FBXL7: variants seen among roughly 807,000 people sequenced by gnomAD.
The protein encoded by FBXL7 is F-box/LRR-repeat protein 7.
Under a neutral mutation model 38.3 loss-of-function variants are expected in FBXL7, and 12 were observed. That is an observed-to-expected ratio of 0.31 (90% confidence interval 0.20 to 0.51). The LOEUF (loss-of-function observed/expected upper bound fraction) is 0.51, where lower values mean the gene tolerates loss of function less well. Ranked by LOEUF, FBXL7 falls within the 20% of genes least tolerant of loss-of-function variation. The pLI, the probability that FBXL7 is intolerant of heterozygous loss-of-function variation, is 0.98. For synonymous variants in FBXL7, 297 were observed against 300.9 expected, an observed-to-expected ratio of 0.99 and a Z score of 0.13; for missense variants, 567 against 676.4, an observed-to-expected ratio of 0.84 and a Z score of 1.79.
At chr5:15,724,860 T>C (rs1400219538) in intron 2 of FBXL7, among the ~76,000 whole-genome samples, 1 of 152,184 alleles carries the variant, frequency 6.6e-6, no homozygotes, top group Non-Finnish European at 1.5e-5. Flanking sequence ...AGTCAAATGA[T>C]AACTATTTTC....
At chr5:15,848,954 CT>C (rs374858419) in intron 2 of FBXL7, among the ~76,000 whole-genome samples, 317 of 152,312 alleles carry the variant, frequency 2.1e-3, no homozygotes, top group African/African-American at 7.1e-3. Flanking sequence ...ATTATTGTCT[CT>C]TTTGGAAAAG....
rs138605570 is a variant in FBXL7 at position 15,525,747 on chromosome 5, TAAG to T, written c.37+25039_37+25041del. ...TTTAAGAGGAGTCCTCAAAATGTGA[TAAG>T]AAGAGACTTTTGAACAATTTGAGCT... On this transcript the variant is annotated intron_variant, in intron 1 of 3. Coordinates refer to ENST00000504595, the MANE Select transcript of FBXL7 (RefSeq NM_012304.5). 1.9e-4 allele frequency among the ~76,000 whole-genome samples: 29 copies of T among 152,316 alleles called. No individual in the cohort carries two copies. In the East Asian group the frequency reaches 5.4e-3, roughly 28 times the overall value.
rs538850467 is a variant in FBXL7 at position 15,895,603 on chromosome 5, C to T, written c.128-32287C>T. ...CTCTGTTGCCTTACAAATGATCACC[C>T]ATTTTTGATGCTTAGGGCCCTTTTT... On this transcript the variant is annotated intron_variant, in intron 2 of 3. Transcript: ENST00000504595. 2.0e-5 allele frequency among the ~76,000 whole-genome samples: 3 copies of T among 148,388 alleles called. No homozygotes were observed. The South Asian group carries it at 6.4e-4, about 32-fold the overall frequency.
At chr5:15,535,123 G>C (rs1737542985) in intron 1 of FBXL7, among the ~76,000 whole-genome samples, 2 of 152,180 alleles carry the variant, frequency 1.3e-5, no homozygotes, top group South Asian at 4.1e-4. Flanking sequence ...TGCCATGATT[G>C]TAAGTTTCTT....
chr5:15,591,212 G>A (rs1055928022), intron 1 of FBXL7, among the ~76,000 whole-genome samples: 4 of 151,976 alleles, frequency 2.6e-5, no homozygotes, highest in Admixed American at 6.6e-5. Context: ...GGTGGATCAC[G>A]AGGTCAGGAG....
chr5:15,783,828 G>T, intron 2 of FBXL7, among the ~76,000 whole-genome samples: 1 of 152,222 alleles, frequency 6.6e-6, no homozygotes, highest in East Asian at 1.9e-4. Context: ...GGAAGGCTTA[G>T]AGAGGAAAAG....
chr5:15,822,927 A>C (rs1335995869), intron 2 of FBXL7, among the ~76,000 whole-genome samples: 1 of 152,128 alleles, frequency 6.6e-6, no homozygotes, highest in African/African-American at 2.4e-5. Flanking sequence ...GGGCCTGAGA[A>C]TCTGCATTTC....
chr5:15,787,983 T>G (rs756482939), intron 2 of FBXL7, among the ~76,000 whole-genome samples: 5 of 152,188 alleles, frequency 3.3e-5, no homozygotes, highest in African/African-American at 4.8e-5. Context: ...GTGCTCCCTT[T>G]GAATGCTCTA....
intron 1 of FBXL7, among the ~76,000 whole-genome samples, chr5:15,571,215 T>C (rs1738769766): frequency 6.6e-6 from 1 of 152,210 alleles, no homozygotes; most frequent in Non-Finnish European, 1.5e-5. Context: ...ACTCTGCCAC[T>C]TAAGTCAATG....
At chr5:15,779,866 C>A (rs1302515179) in intron 2 of FBXL7, among the ~76,000 whole-genome samples, 1 of 152,122 alleles carries the variant, frequency 6.6e-6, no homozygotes, top group Non-Finnish European at 1.5e-5. Context: ...GAAGATAGAA[C>A]CACTTACTCT....
At chr5:15,876,936 A>G (rs529892621) in intron 2 of FBXL7, among the ~76,000 whole-genome samples, 2 of 152,344 alleles carry the variant, frequency 1.3e-5, no homozygotes, top group East Asian at 1.9e-4. Context: ...CTGAAAAGGC[A>G]TTCTAAACCT....
At chr5:15,806,438 A>G (rs1005188620) in intron 2 of FBXL7, among the ~76,000 whole-genome samples, 1 of 152,196 alleles carries the variant, frequency 6.6e-6, no homozygotes, top group African/African-American at 2.4e-5. Flanking sequence ...AAAAAATAGT[A>G]TCAATAACCT....
chr5:15,900,733 C>T (rs1741214548), intron 2 of FBXL7, among the ~76,000 whole-genome samples: 1 of 152,146 alleles, frequency 6.6e-6, no homozygotes, highest in African/African-American at 2.4e-5. Flanking sequence ...GTAGTATGGA[C>T]TGTCTGAAAT....
intron 2 of FBXL7, among the ~76,000 whole-genome samples, chr5:15,711,700 C>T (rs1246898480): frequency 1.3e-5 from 2 of 152,094 alleles, no homozygotes; most frequent in African/African-American, 4.8e-5. Flanking sequence ...AAGACACCAT[C>T]CTGAATACCG....
intron 2 of FBXL7, among the ~76,000 whole-genome samples, chr5:15,886,011 G>T (rs1740661243): frequency 6.6e-6 from 1 of 151,978 alleles, no homozygotes; most frequent in Non-Finnish European, 1.5e-5. Context: ...ATGAGCCACT[G>T]TGCCCAGCCT....
intron 1 of FBXL7, among the ~76,000 whole-genome samples, chr5:15,575,563 G>T (rs1217580436): frequency 6.6e-6 from 1 of 152,158 alleles, no homozygotes; most frequent in East Asian, 1.9e-4. Context: ...TCCCATTCTG[G>T]TGGCTTCATA....
intron 2 of FBXL7, among the ~76,000 whole-genome samples, chr5:15,897,799 G>C (rs1741139937): frequency 6.6e-6 from 1 of 152,158 alleles, no homozygotes; most frequent in Admixed American, 6.5e-5. Flanking sequence ...AATTCAGCAG[G>C]CAATGCAAGA....
chr5:15,864,316 G>A (rs1288374632), intron 2 of FBXL7, among the ~76,000 whole-genome samples: 1 of 152,020 alleles, frequency 6.6e-6, no homozygotes, highest in African/African-American at 2.4e-5. Context: ...ATTTCTAGAA[G>A]CCCTGTCACT....
chr5:15,851,231 A>AT (rs950672906), intron 2 of FBXL7, among the ~76,000 whole-genome samples: 3 of 151,792 alleles, frequency 2.0e-5, no homozygotes, highest in Non-Finnish European at 2.9e-5. Context: ...TGTTCAGAGA[A>AT]TTTTTTTTTC....
Sources: allele counts gnomAD v4.1 joint callset (sites outside exome capture counted in the v4.1 genomes callset), GRCh38; gene constraint gnomAD v4.1.1; transcripts MANE v1.5; gene names NCBI Gene and HGNC (gene_info 2026-07-23, HGNC 2026-07-21).